SNRPB2: variants seen among roughly 807,000 people sequenced by gnomAD.
SNRPB2 encodes the protein small nuclear ribonucleoprotein polypeptide B2.
SNRPB2 carries 16 observed loss-of-function variants against 26.3 expected under a neutral mutation model. The ratio of observed to expected loss-of-function variants is 0.61; its 90% CI spans 0.41 to 0.92. The LOEUF (loss-of-function observed/expected upper bound fraction) is 0.92. Among genes scored for constraint, SNRPB2 ranks in the 40% least tolerant of loss-of-function variants. The probability of loss-of-function intolerance (pLI) is 0.00; values close to 1 mark genes in which losing one functional copy is unlikely to be tolerated. For missense variants in SNRPB2, 179 were observed against 268.1 expected (o/e 0.67, Z 2.32); for synonymous variants, 75 against 89.0 (o/e 0.84, Z 0.88).
chr20:16,732,710 A>G (rs1445862971), intron 3 of SNRPB2, among the ~76,000 whole-genome samples: 1 of 152,242 alleles, frequency 6.6e-6, no homozygotes, highest in East Asian at 1.9e-4. Flanking sequence ...GTTTTAGAAT[A>G]TGTCGTAGTG....
At chr20:16,733,562 T>C (rs75645663) in intron 3 of SNRPB2, among the ~76,000 whole-genome samples, 2 of 152,364 alleles carry the variant, frequency 1.3e-5, no homozygotes, top group East Asian at 3.9e-4. Flanking sequence ...TTTTCTGCAT[T>C]ACAGGTCAGC....
intron 3 of SNRPB2, 170 bp downstream of exon 3, chr20:16,732,506 C>G: frequency 2.1e-6 from 1 of 466,924 alleles, no homozygotes; most frequent in Non-Finnish European, 3.7e-6. Flanking sequence ...TAATTTATGA[C>G]AGTTCAGATG....
chr20:16,735,896 A>G lies in SNRPB2; in HGVS notation c.238-1365A>G, dbSNP rs966266821. Among the ~76,000 whole-genome samples, 4 of 152,242 alleles carry G rather than the reference A, an allele frequency of 2.6e-5. No individual in the cohort carries two copies. In the East Asian group the frequency reaches 5.8e-4, roughly 22 times the overall value. ...TTCCCAGTCTTCTGTACTTTTAACT[A>G]TTGGAAGTAACATTCCATATGACAC... On this transcript the variant is annotated intron_variant, in intron 3 of 6. Transcript: ENST00000246071.
intron 3 of SNRPB2, 30 bp downstream of exon 3, chr20:16,732,366 C>T (rs193223031): frequency 1.6e-6 from 2 of 1,271,952 alleles, no homozygotes; most frequent in African/African-American, 3.1e-5. Context: ...TCACTTTAAT[C>T]AAGAAATTAA....
intron 4 of SNRPB2, among the ~76,000 whole-genome samples, chr20:16,737,909 G>C (rs1248713158): frequency 6.6e-6 from 1 of 151,560 alleles, no homozygotes; most frequent in African/African-American, 2.4e-5. Context: ...CTTGGTGGTG[G>C]GTGCCTGTAG....
chr20:16,737,947 G>A (rs1355134911), intron 4 of SNRPB2, among the ~76,000 whole-genome samples: 2 of 150,792 alleles, frequency 1.3e-5, no homozygotes, highest in Admixed American at 6.6e-5. Context: ...GCTGAGGCAG[G>A]AGAATAGCAT....
At chr20:16,739,894 T>G (rs2072452092) in intron 5 of SNRPB2, among the ~76,000 whole-genome samples, 1 of 150,072 alleles carries the variant, frequency 6.7e-6, no homozygotes, top group African/African-American at 2.5e-5. Flanking sequence ...GTGGTAATCT[T>G]TCTAGTTCCA....
chr20:16,731,832 G>T (rs1045886714), intron 2 of SNRPB2, 66 bp downstream of exon 2: 49 of 1,599,278 alleles, frequency 3.1e-5, no homozygotes, highest in Non-Finnish European at 4.1e-5. Flanking sequence ...CTTAAAAATT[G>T]TACTGCCTCA....
rs2122510235 is a variant in SNRPB2, at chr20:16,741,627, T to G, written c.*622T>G. 6.6e-6 allele frequency: 1 copy of G among 152,342 alleles called. No homozygotes were observed. The highest frequency in any genetic ancestry group is 2.1e-4 in the South Asian group (1 of 4,832). 9.4% of individuals were successfully genotyped at this position (152,342 alleles called of 1,614,324 possible). On this transcript the variant is annotated 3_prime_UTR_variant, in exon 7 of 7. Coordinates refer to ENST00000246071, the MANE Select transcript of SNRPB2 (RefSeq NM_003092.5). Reference sequence around the variant, plus strand: ...GAATGCTATCTTCACACTTTGCATTTAATGCTGTTTCCTTCATGAGGCAGG... The same window carrying G: ...GAATGCTATCTTCACACTTTGCATTGAATGCTGTTTCCTTCATGAGGCAGG...
chr20:16,740,026 T>G (rs2122508010), intron 5 of SNRPB2, among the ~76,000 whole-genome samples: 1 of 152,068 alleles, frequency 6.6e-6, no homozygotes, highest in Middle Eastern at 3.4e-3. Flanking sequence ...ATCTCTAATT[T>G]TATTAAGATC....
chr20:16,732,635 T>C (rs922899747), intron 3 of SNRPB2, among the ~76,000 whole-genome samples: 6 of 152,220 alleles, frequency 3.9e-5, no homozygotes, highest in Admixed American at 6.5e-5. Context: ...AAAAGAAACC[T>C]GTTTGTAAAC....
chr20:16,737,106 T>C (rs1205736440), intron 3 of SNRPB2, among the ~76,000 whole-genome samples, 155 bp from the exon 4 acceptor site: 1 of 152,244 alleles, frequency 6.6e-6, no homozygotes, highest in Admixed American at 6.5e-5. Context: ...CACAGTTTAC[T>C]TCCATTTGGC....
intron 5 of SNRPB2, among the ~76,000 whole-genome samples, 165 bp downstream of exon 5, chr20:16,739,067 C>T (rs140804776): frequency 2.4e-3 from 368 of 152,312 alleles, no homozygotes; most frequent in Non-Finnish European, 4.3e-3. Flanking sequence ...TCCTGAAGAA[C>T]ATTTTAATTC....
chr20:16,736,932 G>C lies in SNRPB2; in HGVS notation c.238-329G>C, dbSNP rs144665084. 4.2e-3 allele frequency among the ~76,000 whole-genome samples: 637 copies of C among 152,302 alleles called. 7 individuals are homozygous for C. The highest frequency in any genetic ancestry group is 0.014 in the African/African-American group (601 of 41,562). On this transcript the variant is annotated intron_variant, in intron 3 of 6. Transcript: ENST00000246071. ...GCCCGCTGGTGGAGCCCACTCATTT[G>C]TTCCTTTAACACTTCAATGCAGTTT... is the stretch of plus-strand genomic sequence containing the variant.
At chr20:16,738,976 C>T in intron 5 of SNRPB2, 74 bp downstream of exon 5, 1 of 960,690 alleles carries the variant, frequency 1.0e-6, no homozygotes, top group South Asian at 1.3e-5. Flanking sequence ...AAAACAATTT[C>T]CATGTCTCCA....
intron 5 of SNRPB2, among the ~76,000 whole-genome samples, chr20:16,739,759 C>A (rs922586262): frequency 4.6e-5 from 7 of 152,024 alleles, no homozygotes. Flanking sequence ...GGTGGGATAT[C>A]AAATGAGTAA....
chr20:16,735,227 T>C (rs1381659154), intron 3 of SNRPB2, among the ~76,000 whole-genome samples: 1 of 151,310 alleles, frequency 6.6e-6, no homozygotes, highest in Non-Finnish European at 1.5e-5. Context: ...AAAATGTTTC[T>C]TGTTCTCTTC....
chr20:16,731,609 C>A (rs2072391270), intron 1 of SNRPB2, 59 bp from the exon 2 acceptor site: 12 of 1,496,360 alleles, frequency 8.0e-6, no homozygotes, highest in Non-Finnish European at 1.1e-5. Flanking sequence ...GTTAATAATT[C>A]TTGTGTTGTG....
intron 3 of SNRPB2, among the ~76,000 whole-genome samples, chr20:16,735,442 C>T (rs559732369): frequency 4.6e-5 from 7 of 151,726 alleles, no homozygotes; most frequent in African/African-American, 1.5e-4. Context: ...ACCTAGATAA[C>T]GGTTTAACTT....
Sources: gnomAD v4.1 joint callset for allele counts (sites outside exome capture counted in the v4.1 genomes callset) on GRCh38, gnomAD v4.1.1 for gene constraint, MANE v1.5 for transcripts, NCBI Gene and HGNC (gene_info 2026-07-23, HGNC 2026-07-21) for gene names.